The following PARP12 variants were observed in gnomAD, a reference collection of about 807,000 sequenced individuals.
The protein encoded by PARP12 is poly(ADP-ribose) polymerase family member 12, also known as protein mono-ADP-ribosyltransferase PARP12.
A neutral mutation model predicts 72.4 loss-of-function variants in PARP12; 59 were observed. The ratio of observed to expected loss-of-function variants is 0.81; its 90% CI spans 0.66 to 1.01. The LOEUF (loss-of-function observed/expected upper bound fraction) is 1.01, where lower values mean the gene tolerates loss of function less well. PARP12 is among the 50% of genes least tolerant of loss of function. PARP12 has a pLI of 0.00. For synonymous variants in PARP12, 403 were observed against 371.4 expected (o/e 1.09, Z -0.98); for missense variants, 851 against 914.0 (o/e 0.93, Z 0.89).
intron 6 of PARP12, among the ~76,000 whole-genome samples, chr7:140,039,451 G>A (rs1816364516): frequency 6.6e-6 from 1 of 152,140 alleles, no homozygotes; most frequent in Admixed American, 6.5e-5. Flanking sequence ...TTTGCCCTCA[G>A]TGGGAGGTTT....
At chr7:140,037,434 G>A (rs777841519) in intron 7 of PARP12, among the ~76,000 whole-genome samples, 4 of 152,250 alleles carry the variant, frequency 2.6e-5, no homozygotes, top group Non-Finnish European at 4.4e-5. Context: ...GGATACAGCA[G>A]GACAACCATG....
intron 3 of PARP12, among the ~76,000 whole-genome samples, chr7:140,056,494 A>T (rs533450306): frequency 6.6e-6 from 1 of 152,198 alleles, no homozygotes; most frequent in Non-Finnish European, 1.5e-5. Flanking sequence ...AGCATTCCTA[A>T]CTTTGGGTTC....
At chr7:140,059,330 G>A (rs1817342262) in intron 1 of PARP12, among the ~76,000 whole-genome samples, 1 of 151,466 alleles carries the variant, frequency 6.6e-6, no homozygotes, top group Non-Finnish European at 1.5e-5. Flanking sequence ...TATCATTATA[G>A]GTTACATATG....
At chr7:140,062,333 G>A (rs1363144230) in intron 1 of PARP12, among the ~76,000 whole-genome samples, 189 bp downstream of exon 1, 1 of 152,074 alleles carries the variant, frequency 6.6e-6, no homozygotes, top group South Asian at 2.1e-4. Flanking sequence ...TCGACCCTGA[G>A]TCCCTCGCAC....
chr7:140,048,091 C>T (rs531336559), intron 4 of PARP12, among the ~76,000 whole-genome samples: 1 of 152,232 alleles, frequency 6.6e-6, no homozygotes, highest in East Asian at 1.9e-4. Context: ...AAAGATGGAG[C>T]CAGATTCATC....
intron 2 of PARP12, 27 bp from the exon 3 acceptor site, chr7:140,057,180 C>T: frequency 6.3e-7 from 1 of 1,597,722 alleles, no homozygotes; most frequent in Non-Finnish European, 8.5e-7. Flanking sequence ...AAAAAACCAC[C>T]AGTTCAGGAA....
At chr7:140,062,458 G>A (rs1001324171) in intron 1 of PARP12, 64 bp downstream of exon 1, 5 of 1,450,230 alleles carry the variant, frequency 3.4e-6, no homozygotes, top group South Asian at 1.3e-5. Context: ...CCCCCAAGCG[G>A]GCTGGAAGTG....
chr7:140,051,550 C>T (rs1816962064), intron 4 of PARP12, among the ~76,000 whole-genome samples: 1 of 152,170 alleles, frequency 6.6e-6, no homozygotes. Flanking sequence ...GCCACCACAC[C>T]CAGCTAATTT....
intron 5 of PARP12, among the ~76,000 whole-genome samples, chr7:140,042,163 T>C (rs1412098720): frequency 6.6e-6 from 1 of 152,108 alleles, no homozygotes; most frequent in Non-Finnish European, 1.5e-5. Context: ...AAAATAACAA[T>C]AGTTAACATA....
At chr7:140,059,772 T>C (rs1374885129) in intron 1 of PARP12, among the ~76,000 whole-genome samples, 6 of 152,318 alleles carry the variant, frequency 3.9e-5, no homozygotes, top group African/African-American at 1.4e-4. Context: ...GAGGAGACTC[T>C]GATACGGAGT....
At chr7:140,028,116 C>T (rs917513566) in intron 9 of PARP12, among the ~76,000 whole-genome samples, 1 of 152,190 alleles carries the variant, frequency 6.6e-6, no homozygotes, top group Non-Finnish European at 1.5e-5. Context: ...AGATGTTAGT[C>T]TGCGTACTCT....
At chr7:140,061,584 C>G (rs1817445892) in intron 1 of PARP12, among the ~76,000 whole-genome samples, 1 of 152,186 alleles carries the variant, frequency 6.6e-6, no homozygotes, top group Admixed American at 6.5e-5. Flanking sequence ...ACACCACTAC[C>G]TTAGACTTCC....
chr7:140,028,422 G>A (rs1475321632), intron 9 of PARP12, among the ~76,000 whole-genome samples, 191 bp downstream of exon 9: 1 of 152,034 alleles, frequency 6.6e-6, no homozygotes, highest in Non-Finnish European at 1.5e-5. Flanking sequence ...CCAACTCCTG[G>A]GTGGTGAAAA....
At chr7:140,056,808 G>A (rs1461454816) in intron 3 of PARP12, 48 bp downstream of exon 3, 9 of 1,515,378 alleles carry the variant, frequency 5.9e-6, no homozygotes, top group Non-Finnish European at 8.0e-6. Context: ...CCCCAGCCCA[G>A]GACCTCCCGT....
intron 4 of PARP12, among the ~76,000 whole-genome samples, chr7:140,052,033 C>T (rs1374375795): frequency 6.6e-6 from 1 of 152,198 alleles, no homozygotes; most frequent in Non-Finnish European, 1.5e-5. Context: ...GCCACTTCCC[C>T]CTTTTAGGAG....
chr7:140,033,677 T>C (rs924795511), intron 8 of PARP12: 124 of 985,342 alleles, frequency 1.3e-4, no homozygotes, highest in Non-Finnish European at 1.3e-4. Flanking sequence ...TCATCTGCTA[T>C]AGGAGGTTTC....
At chr7:140,033,054 G>T in intron 8 of PARP12, 1 of 383,748 alleles carries the variant, frequency 2.6e-6, no homozygotes, top group Non-Finnish European at 3.6e-6. Context: ...CTGGGCTCAG[G>T]TGTCTCTCCC....
chr7:140,025,466 CA>C (rs567333635), intron 11 of PARP12: 136 of 404,512 alleles, frequency 3.4e-4, no homozygotes, highest in African/African-American at 2.6e-3. Flanking sequence ...GGACCCGGAA[CA>C]TGGACTGCTG....
At chr7:140,055,589 T>C (rs1817146840) in intron 3 of PARP12, among the ~76,000 whole-genome samples, 1 of 152,208 alleles carries the variant, frequency 6.6e-6, no homozygotes, top group Non-Finnish European at 1.5e-5. Flanking sequence ...AATCTAGGTC[T>C]ATGGGACCCC....
Sources: allele counts gnomAD v4.1 joint callset (sites outside exome capture counted in the v4.1 genomes callset), GRCh38; gene constraint gnomAD v4.1.1; transcripts MANE v1.5; gene names NCBI Gene and HGNC (gene_info 2026-07-23, HGNC 2026-07-21).